AQR: variants seen among roughly 807,000 people sequenced by gnomAD.
AQR encodes the protein RNA helicase aquarius.
Under a neutral mutation model 180.5 loss-of-function variants are expected in AQR, and 61 were observed. That is an observed-to-expected ratio of 0.34 (90% CI 0.28 to 0.42). AQR has a LOEUF of 0.42. Among genes scored for constraint, AQR ranks in the 10% least tolerant of loss-of-function variants. The pLI is 1.00. For synonymous variants in AQR, 551 were observed against 588.8 expected, an observed-to-expected ratio of 0.94 and a Z score of 0.93; for missense variants, 1,281 against 1,798.3, an observed-to-expected ratio of 0.71 and a Z score of 5.20.
intron 4 of AQR, among the ~76,000 whole-genome samples, chr15:34,948,796 C>CAAAA (rs761369190): frequency 3.3e-5 from 3 of 91,738 alleles, no homozygotes; most frequent in Non-Finnish European, 6.8e-5. Flanking sequence ...GACTCCATCT[C>CAAAA]AAAAAAAAAA....
chr15:34,932,207 T>G (rs1893875230), intron 11 of AQR, 111 bp downstream of exon 11: 1 of 854,782 alleles, frequency 1.2e-6, no homozygotes. Context: ...AGACATGACT[T>G]TAAAATAACT....
chr15:34,900,939 GGC>G, intron 19 of AQR, 76 bp from the exon 20 acceptor site: 1 of 1,491,020 alleles, frequency 6.7e-7, no homozygotes, highest in Non-Finnish European at 9.0e-7. Flanking sequence ...ATGCAGAGCT[GGC>G]TGCACTAATC....
At chr15:34,969,325 C>T (rs185026869) in intron 1 of AQR, among the ~76,000 whole-genome samples, 22 of 152,306 alleles carry the variant, frequency 1.4e-4, no homozygotes, top group Middle Eastern at 3.4e-3. Context: ...GCCATGAACT[C>T]CCCAGGGCAG....
chr15:34,883,342 G>C (rs558708824), intron 26 of AQR, among the ~76,000 whole-genome samples: 7 of 152,220 alleles, frequency 4.6e-5, no homozygotes, highest in African/African-American at 1.7e-4. Context: ...GCAGAAAAGA[G>C]TATGGAAAAA....
intron 2 of AQR, among the ~76,000 whole-genome samples, chr15:34,963,396 C>T (rs1429015026): frequency 6.6e-6 from 1 of 152,034 alleles, no homozygotes; most frequent in Non-Finnish European, 1.5e-5. Context: ...AGTTCAATTC[C>T]CTTATTGAAT....
chr15:34,947,591 G>A (rs1894150425), intron 5 of AQR, among the ~76,000 whole-genome samples: 1 of 150,788 alleles, frequency 6.6e-6, no homozygotes, highest in Non-Finnish European at 1.5e-5. Flanking sequence ...ACTCCCTCTT[G>A]TGAAAAAAGA....
chr15:34,894,518 G>A (rs1466291710), intron 22 of AQR, among the ~76,000 whole-genome samples: 1 of 151,944 alleles, frequency 6.6e-6, no homozygotes, highest in East Asian at 1.9e-4. Flanking sequence ...TTTTTAAAAA[G>A]TTCTTCAGAC....
chr15:34,969,715 C>A lies in AQR; in HGVS notation c.-102G>T. Reference sequence around the variant, plus strand: ...AAGTTACTGCCGGGGCGCTTAACTCCGCGCCGCACAAACGCTCCGGGCCGG... The same window carrying A: ...AAGTTACTGCCGGGGCGCTTAACTCAGCGCCGCACAAACGCTCCGGGCCGG... On this transcript the variant is annotated 5_prime_UTR_variant, in exon 1 of 35. Coordinates refer to ENST00000156471, the MANE Select transcript of AQR (RefSeq NM_014691.3). 8.3e-7 allele frequency: 1 copy of A among 1,202,372 alleles called. No homozygotes were observed. The highest frequency in any genetic ancestry group is 1.5e-5 in the South Asian group (1 of 68,160). 74.5% of individuals were successfully genotyped at this position (1,202,372 alleles called of 1,614,324 possible).
rs1229280841 is a variant in AQR, at chr15:34,855,206, AC to A, written c.*1585del. Reference sequence around the variant, plus strand: ...GATACATCATAAAATGAGAGTCTGTACCATATTCAACACAGCCTGGTAGAGC... The same window carrying A: ...GATACATCATAAAATGAGAGTCTGTACATATTCAACACAGCCTGGTAGAGC... On this transcript the variant is annotated 3_prime_UTR_variant, in exon 35 of 35. Transcript: ENST00000156471. The A allele has an allele frequency of 6.6e-6, 1 of 152,234 alleles. No homozygotes were observed. The highest frequency in any genetic ancestry group is 1.5e-5 in the Non-Finnish European group (1 of 68,042). The allele number at this position is 152,234 out of a possible 1,614,324, so 9.4% of individuals were successfully genotyped here. A position where few individuals can be genotyped will look rare whatever the true frequency, so the allele number is the denominator to read the frequency against.
chr15:34,913,823 T>C (rs1257627608), intron 16 of AQR, among the ~76,000 whole-genome samples: 1 of 152,210 alleles, frequency 6.6e-6, no homozygotes. Context: ...AGCAAAGCTG[T>C]GGGCAGGAAT....
intron 16 of AQR, among the ~76,000 whole-genome samples, chr15:34,911,478 GC>G (rs1893497566): frequency 6.6e-6 from 1 of 152,106 alleles, no homozygotes; most frequent in Non-Finnish European, 1.5e-5. Flanking sequence ...TTTGATAACA[GC>G]CATTCTAACA....
chr15:34,892,312 C>T (rs182248053), intron 23 of AQR, among the ~76,000 whole-genome samples: 173 of 152,222 alleles, frequency 1.1e-3, no homozygotes, highest in Admixed American at 1.8e-3. Context: ...GAAATTTAAT[C>T]CAGTATCAAT....
At chr15:34,907,104 T>C (rs1471449511) in intron 17 of AQR, among the ~76,000 whole-genome samples, 1 of 152,188 alleles carries the variant, frequency 6.6e-6, no homozygotes, top group Admixed American at 6.5e-5. Flanking sequence ...GTTTTTAATA[T>C]CAGTTTAAAC....
chr15:34,895,224 A>AC (rs1893226677), intron 22 of AQR, among the ~76,000 whole-genome samples: 1 of 118,698 alleles, frequency 8.4e-6, no homozygotes, highest in Non-Finnish European at 1.8e-5. Context: ...ATATATATGA[A>AC]ACAAATAAAA....
At chr15:34,873,705 T>C (rs376165211) in intron 30 of AQR, 123 bp downstream of exon 30, 1 of 717,910 alleles carries the variant, frequency 1.4e-6, no homozygotes, top group South Asian at 3.2e-5. Context: ...TTTCATATGC[T>C]ATGTGTAAGG....
intron 5 of AQR, among the ~76,000 whole-genome samples, chr15:34,946,450 C>T (rs1273197988): frequency 3.5e-5 from 5 of 144,456 alleles, no homozygotes; most frequent in East Asian, 2.1e-4. Context: ...CAGCCCCCCG[C>T]CCGGCCAGCC....
At chr15:34,947,515 A>T (rs1459529826) in intron 5 of AQR, among the ~76,000 whole-genome samples, 1 of 127,342 alleles carries the variant, frequency 7.9e-6, no homozygotes, top group Non-Finnish European at 1.8e-5. Flanking sequence ...AATAAAAAAA[A>T]TAATAATAAT....
chr15:34,869,649 C>T (rs1368193419), intron 31 of AQR: 2 of 152,132 alleles, frequency 1.3e-5, no homozygotes, highest in Non-Finnish European at 2.9e-5. Flanking sequence ...TCTAAACTTG[C>T]AAAATTATTA....
At chr15:34,885,324 A>G (rs1595786306) in intron 25 of AQR, among the ~76,000 whole-genome samples, 1 of 152,180 alleles carries the variant, frequency 6.6e-6, no homozygotes, top group Non-Finnish European at 1.5e-5. Flanking sequence ...GCCAGTTACT[A>G]TGTAACCTCA....
Sources: allele counts gnomAD v4.1 joint callset (sites outside exome capture counted in the v4.1 genomes callset), GRCh38; gene constraint gnomAD v4.1.1; transcripts MANE v1.5; gene names NCBI Gene and HGNC (gene_info 2026-07-23, HGNC 2026-07-21).